The following AUTS2 variants were observed in gnomAD, a reference collection of about 807,000 sequenced individuals.
AUTS2 encodes autism susceptibility gene 2 protein.
Under a neutral mutation model 112.4 loss-of-function variants are expected in AUTS2, and 17 were observed. The observed-to-expected ratio is 0.15, with a 90% CI of 0.10 to 0.23. AUTS2 has a LOEUF of 0.23. Ranked by LOEUF, AUTS2 falls within the 10% of genes least tolerant of loss-of-function variation. The pLI, the probability that AUTS2 is intolerant of heterozygous loss-of-function variation, is 1.00. For missense variants in AUTS2, 1,510 were observed against 1,701.6 expected (o/e 0.89, Z 1.98); for synonymous variants, 751 against 702.7 (o/e 1.07, Z -1.09).
chr7:70,724,484 C>T (rs1786900324), intron 6 of AUTS2, among the ~76,000 whole-genome samples: 1 of 117,780 alleles, frequency 8.5e-6, no homozygotes, highest in East Asian at 3.0e-4. Context: ...CTCGCTTTGT[C>T]GCCCAGGCTG....
At chr7:70,541,543 T>C (rs767253690) in intron 5 of AUTS2, among the ~76,000 whole-genome samples, 1 of 152,268 alleles carries the variant, frequency 6.6e-6, no homozygotes, top group Non-Finnish European at 1.5e-5. Context: ...TGCAAAGATA[T>C]GTTGGATCTG....
chr7:69,864,011 G>C (rs1431017258), intron 1 of AUTS2, among the ~76,000 whole-genome samples: 2 of 152,150 alleles, frequency 1.3e-5, no homozygotes, highest in African/African-American at 4.8e-5. Flanking sequence ...CTGATACCAG[G>C]AAATAATGCA....
intron 4 of AUTS2, among the ~76,000 whole-genome samples, chr7:70,432,472 AC>A: frequency 6.6e-6 from 1 of 152,320 alleles, no homozygotes; most frequent in East Asian, 1.9e-4. Context: ...CATGAATTCT[AC>A]CCACACTGAC....
chr7:70,365,835 G>T (rs1291997897), intron 4 of AUTS2, among the ~76,000 whole-genome samples: 2 of 152,194 alleles, frequency 1.3e-5, no homozygotes, highest in Non-Finnish European at 2.9e-5. Flanking sequence ...GACCAGATTT[G>T]TTCCTGACCA....
intron 4 of AUTS2, among the ~76,000 whole-genome samples, chr7:70,142,739 G>GGAAT (rs1806931526): frequency 6.6e-6 from 1 of 152,052 alleles, no homozygotes. Flanking sequence ...AGTCCCAGAG[G>GGAAT]GAATGGACAG....
At chr7:70,175,178 T>A (rs1374873551) in intron 4 of AUTS2, among the ~76,000 whole-genome samples, 1 of 152,142 alleles carries the variant, frequency 6.6e-6, no homozygotes, top group Non-Finnish European at 1.5e-5. Context: ...CTTTGAGGTG[T>A]TCAAGGCTTC....
rs549834719 is a variant in AUTS2 at position 70,470,692 on chromosome 7, G to A, written c.690+34911G>A. ...CTGATAAAGGAAAGAGGGTGGAGGCGGGGAGACAATCAGGAGGAGAAAAGA... is the reference window on the plus strand; with the variant it reads ...CTGATAAAGGAAAGAGGGTGGAGGCAGGGAGACAATCAGGAGGAGAAAAGA... On this transcript the variant is annotated intron_variant, in intron 5 of 18. Coordinates refer to ENST00000342771, the MANE Select transcript of AUTS2 (RefSeq NM_015570.4). 1.4e-4 allele frequency among the ~76,000 whole-genome samples: 21 copies of A among 152,178 alleles called. No individual in the cohort carries two copies. The South Asian group carries it at 2.9e-3, about 21-fold the overall frequency.
intron 2 of AUTS2, among the ~76,000 whole-genome samples, chr7:70,022,478 G>T (rs1800321655): frequency 6.6e-6 from 1 of 151,890 alleles, no homozygotes; most frequent in African/African-American, 2.4e-5. Context: ...ACACCACCAT[G>T]CCAGGCTAAT....
intron 2 of AUTS2, among the ~76,000 whole-genome samples, chr7:69,999,716 G>A (rs1349816257): frequency 1.3e-5 from 2 of 152,026 alleles, no homozygotes; most frequent in Admixed American, 1.3e-4. Context: ...AAATAGTAGT[G>A]AAGTTTTACA....
intron 5 of AUTS2, among the ~76,000 whole-genome samples, chr7:70,521,710 T>C (rs1799655328): frequency 6.6e-6 from 1 of 152,224 alleles, no homozygotes; most frequent in African/African-American, 2.4e-5. Context: ...CAGACTTAGA[T>C]GCAATGTTTT....
chr7:69,899,427 G>T lies in AUTS2; in HGVS notation c.451G>T (p.Asp151Tyr), dbSNP rs1351773247. 1 of 1,613,986 alleles carries T rather than the reference G, an allele frequency of 6.2e-7. No homozygotes were observed. ...CAGCCACCCACACCACTACAGCTCA[G>T]ATCGAGAAAATGACCGCAATCTCTG... is the stretch of plus-strand genomic sequence containing the variant. Reference protein sequence around the residue: ...RLSHPHHYSSDRENDRNLCQH... With the variant: ...RLSHPHHYSSYRENDRNLCQH... Residue 151 changes from aspartate to tyrosine, a missense_variant, in exon 2 of 19, where the codon GAT becomes TAT. By Grantham distance (160) the Asp-to-Tyr change is radical (BLOSUM62 -3). Transcript: ENST00000342771.
At chr7:70,150,864 A>C (rs1807394963) in intron 4 of AUTS2, among the ~76,000 whole-genome samples, 1 of 152,222 alleles carries the variant, frequency 6.6e-6, no homozygotes, top group Non-Finnish European at 1.5e-5. Context: ...AATAACAGGG[A>C]CTGAATTTAT....
At chr7:70,721,183 C>A (rs1178157545) in intron 6 of AUTS2, among the ~76,000 whole-genome samples, 1 of 151,734 alleles carries the variant, frequency 6.6e-6, no homozygotes, top group Non-Finnish European at 1.5e-5. Flanking sequence ...GGGCCCAGGA[C>A]CTGCAAGGCT....
intron 4 of AUTS2, 100 bp downstream of exon 4, chr7:70,134,671 T>G: frequency 8.9e-7 from 1 of 1,117,360 alleles, no homozygotes; most frequent in Non-Finnish European, 1.4e-6. Flanking sequence ...TGAGAATTTC[T>G]CTCTCAGTCC....
chr7:69,874,162 G>A (rs1024955972), intron 1 of AUTS2, among the ~76,000 whole-genome samples: 1 of 152,226 alleles, frequency 6.6e-6, no homozygotes, highest in Non-Finnish European at 1.5e-5. Context: ...GGAGACCAGG[G>A]CAGGAGGATC....
chr7:69,634,762 A>C (rs948901472), intron 1 of AUTS2, among the ~76,000 whole-genome samples: 1 of 152,170 alleles, frequency 6.6e-6, no homozygotes, highest in African/African-American at 2.4e-5. Flanking sequence ...GCAATTTGGC[A>C]TTGTGTATAA....
intron 1 of AUTS2, among the ~76,000 whole-genome samples, chr7:69,758,673 G>A (rs1031258800): frequency 6.6e-6 from 1 of 152,180 alleles, no homozygotes; most frequent in African/African-American, 2.4e-5. Flanking sequence ...GAAAGCCCCA[G>A]TGAATTTTCC....
In AUTS2 at chr7:70,434,326, A is replaced by G. The variant is rs565498658; in HGVS notation, c.661-1426A>G. ...ATTTTTAACCTCAAAGTGTCAGGAGAAGGTACAGACTAGGGAGAAGGGAGT... is the reference window on the plus strand; with the variant it reads ...ATTTTTAACCTCAAAGTGTCAGGAGGAGGTACAGACTAGGGAGAAGGGAGT... On this transcript the variant is annotated intron_variant, in intron 4 of 18. Coordinates refer to ENST00000342771, the MANE Select transcript of AUTS2 (RefSeq NM_015570.4). Among the ~76,000 whole-genome samples, 3 of 152,306 alleles carry G rather than the reference A, an allele frequency of 2.0e-5. No individual in the cohort carries two copies. In the South Asian group the frequency reaches 6.2e-4, roughly 32 times the overall value.
chr7:69,851,954 T>C (rs1792503160), intron 1 of AUTS2, among the ~76,000 whole-genome samples: 2 of 152,196 alleles, frequency 1.3e-5, no homozygotes, highest in Admixed American at 6.5e-5. Flanking sequence ...TTATTTACTT[T>C]CTGATATACC....
Sources: gnomAD v4.1 joint callset for allele counts (sites outside exome capture counted in the v4.1 genomes callset) on GRCh38, gnomAD v4.1.1 for gene constraint, MANE v1.5 for transcripts, NCBI Gene and HGNC (gene_info 2026-07-23, HGNC 2026-07-21) for gene names.